The following IL1RAPL2 variants were observed in gnomAD, a reference collection of about 807,000 sequenced individuals.
IL1RAPL2 encodes the protein interleukin 1 receptor accessory protein like 2, also known as X-linked interleukin-1 receptor accessory protein-like 2.
Under a neutral mutation model 44.1 loss-of-function variants are expected in IL1RAPL2, and 3 were observed. The observed-to-expected ratio is 0.07, with a 90% confidence interval of 0.03 to 0.18. IL1RAPL2 has a LOEUF of 0.18. Among genes scored for constraint, IL1RAPL2 ranks in the 10% least tolerant of loss-of-function variants. IL1RAPL2 has a pLI of 1.00. For missense variants in IL1RAPL2, 391 were observed against 496.4 expected (o/e 0.79, Z 2.02); for synonymous variants, 181 against 178.8 (o/e 1.01, Z -0.10).
intron 2 of IL1RAPL2, among the ~76,000 whole-genome samples, chrX:104,803,420 C>G (rs1226502289): frequency 3.6e-5 from 4 of 112,156 alleles, no homozygotes; most frequent in Admixed American, 2.8e-4. Flanking sequence ...CTGCCAGGCT[C>G]TATTGGAATA....
At chrX:105,404,000 G>A (rs1427595645) in intron 5 of IL1RAPL2, among the ~76,000 whole-genome samples, 1 of 111,911 alleles carries the variant, frequency 8.9e-6, no homozygotes, top group Non-Finnish European at 1.9e-5. Flanking sequence ...TCTTATAGAT[G>A]GTATACAGCC....
intron 2 of IL1RAPL2, among the ~76,000 whole-genome samples, chrX:105,143,422 G>A (rs761046225): frequency 2.7e-4 from 30 of 111,843 alleles, no homozygotes; most frequent in African/African-American, 5.5e-4. Flanking sequence ...TTAGAATGGC[G>A]ATCATTAAAA....
At position 105,048,436 on chromosome X, in the gene IL1RAPL2, A is replaced by AC. The variant is rs779929054; in HGVS notation, c.83-147039_83-147038insC. Among the ~76,000 whole-genome samples, 44 of 112,470 alleles carry AC rather than the reference A, an allele frequency of 3.9e-4. 1 individual carries two copies. In the South Asian group the frequency reaches 0.014, roughly 37 times the overall value. On this transcript the variant is annotated intron_variant, in intron 2 of 10. Coordinates refer to ENST00000372582, the MANE Select transcript of IL1RAPL2 (RefSeq NM_017416.2). Reference sequence around the variant, plus strand: ...ATTTCTGGTAACCAAACTAAAAAATATAAAATAAAACAAGTAAAATGAAAT... The same window carrying AC: ...ATTTCTGGTAACCAAACTAAAAAATACTAAAATAAAACAAGTAAAATGAAAT...
intron 2 of IL1RAPL2, among the ~76,000 whole-genome samples, chrX:104,707,199 C>T (rs892086226): frequency 2.7e-5 from 3 of 110,913 alleles, no homozygotes; most frequent in African/African-American, 3.3e-5. Flanking sequence ...TTCAATTAGT[C>T]GGGGGAAAAA....
chrX:104,632,887 A>T (rs1757119355), intron 1 of IL1RAPL2, among the ~76,000 whole-genome samples: 1 of 110,627 alleles, frequency 9.0e-6, no homozygotes, highest in Admixed American at 9.7e-5. Context: ...GTTGAATAGG[A>T]GTGTTGAGAG....
chrX:105,179,633 T>G (rs1278088536), intron 2 of IL1RAPL2, among the ~76,000 whole-genome samples: 1 of 111,923 alleles, frequency 8.9e-6, no homozygotes, highest in East Asian at 2.8e-4. Flanking sequence ...CATAGGATGT[T>G]TATCTATTTG....
chrX:105,521,031 T>G (rs1228401755), intron 6 of IL1RAPL2, among the ~76,000 whole-genome samples: 2 of 100,676 alleles, frequency 2.0e-5, no homozygotes, highest in Non-Finnish European at 4.0e-5. Flanking sequence ...ACCTCCTTGG[T>G]TCACGCCATT....
intron 2 of IL1RAPL2, among the ~76,000 whole-genome samples, chrX:104,972,841 C>T (rs1445586590): frequency 1.8e-5 from 2 of 111,966 alleles, no homozygotes. Context: ...CCACCCATGG[C>T]ATCATGTTAC....
At chrX:104,711,015 G>A (rs763805374) in intron 2 of IL1RAPL2, among the ~76,000 whole-genome samples, 18 of 111,479 alleles carry the variant, frequency 1.6e-4, no homozygotes, top group Admixed American at 5.7e-4. Context: ...GGTCCTTCAG[G>A]AGATATGCCA....
Position 105,520,923 on chromosome X carries a change from C to CTTTTTTTTTTT in IL1RAPL2, c.772+36555_772+36565dup, listed in dbSNP as rs1172515228. ...CAATATTATAGCTATTTCTTTCTTT[C>CTTTTTTTTTTT]TTTTTTTTTTTTTTTTTTTTTTTTT... On this transcript the variant is annotated intron_variant, in intron 6 of 10. Coordinates refer to ENST00000372582, the MANE Select transcript of IL1RAPL2 (RefSeq NM_017416.2). Among the ~76,000 whole-genome samples the CTTTTTTTTTTT allele has an allele frequency of 6.1e-4, 32 of 52,371 alleles. 5 individuals carry two copies. Among genetic ancestry groups the CTTTTTTTTTTT allele is most frequent in the East Asian group, 1.3e-3 (2 of 1,526 alleles). 45.5% of individuals were successfully genotyped at this position (52,371 alleles called of 115,157 possible).
chrX:105,713,336 A>G (rs1262450413), intron 6 of IL1RAPL2, among the ~76,000 whole-genome samples: 1 of 111,483 alleles, frequency 9.0e-6, no homozygotes, highest in Non-Finnish European at 1.9e-5. Context: ...ACATCCAGGC[A>G]TTTCCATACA....
intron 1 of IL1RAPL2, among the ~76,000 whole-genome samples, chrX:104,576,051 T>C (rs1284646514): frequency 8.9e-6 from 1 of 112,187 alleles, no homozygotes; most frequent in Non-Finnish European, 1.9e-5. Context: ...ATAGCTAACA[T>C]TCAGTGGAGA....
At chrX:105,139,861 C>T (rs760600532) in intron 2 of IL1RAPL2, among the ~76,000 whole-genome samples, 4 of 112,044 alleles carry the variant, frequency 3.6e-5, no homozygotes, top group African/African-American at 1.3e-4. Context: ...TCATTGAATG[C>T]GACTCCAGCT....
chrX:105,681,786 A>T (rs897577395), intron 6 of IL1RAPL2, among the ~76,000 whole-genome samples: 1 of 111,832 alleles, frequency 8.9e-6, no homozygotes, highest in Non-Finnish European at 1.9e-5. Flanking sequence ...CATATCATTC[A>T]GTCTTATATA....
intron 5 of IL1RAPL2, among the ~76,000 whole-genome samples, chrX:105,398,943 A>G (rs2035585416): frequency 9.0e-6 from 1 of 111,730 alleles, no homozygotes; most frequent in Non-Finnish European, 1.9e-5. Context: ...CAGTTTACAG[A>G]AACATTTTGT....
chrX:105,016,038 A>C (rs921607915), intron 2 of IL1RAPL2, among the ~76,000 whole-genome samples: 2 of 111,228 alleles, frequency 1.8e-5, no homozygotes, highest in East Asian at 5.7e-4. Flanking sequence ...CATCCCTTGT[A>C]AGTTGGATTC....
intron 5 of IL1RAPL2, among the ~76,000 whole-genome samples, chrX:105,307,790 G>A (rs1300672649): frequency 5.0e-5 from 5 of 99,344 alleles, no homozygotes; most frequent in Admixed American, 2.5e-4. Flanking sequence ...TGCTTTTCTT[G>A]ATGTGCAAAT....
Position 105,160,212 on chromosome X carries a change from A to C in IL1RAPL2, c.83-35263A>C, listed in dbSNP as rs1238611918. On this transcript the variant is annotated intron_variant, in intron 2 of 10. Coordinates refer to ENST00000372582, the MANE Select transcript of IL1RAPL2 (RefSeq NM_017416.2). The stretch of plus-strand genomic sequence containing the variant: ...CCATATAACTGATGAATTTCTTTGC[A>C]GTCCGTTTACGGGTGTGTGATTAAA... Among the ~76,000 whole-genome samples the C allele has an allele frequency of 1.8e-5, 2 of 110,394 alleles. 1 individual carries two copies. The highest frequency in any genetic ancestry group is 3.8e-5 in the Non-Finnish European group (2 of 52,921).
intron 5 of IL1RAPL2, among the ~76,000 whole-genome samples, chrX:105,318,409 A>G (rs1488592901): frequency 8.9e-6 from 1 of 112,343 alleles, no homozygotes; most frequent in East Asian, 2.8e-4. Context: ...TGCTATAGAA[A>G]TAAATAAAAG....
Sources: allele counts gnomAD v4.1 joint callset (sites outside exome capture counted in the v4.1 genomes callset), GRCh38; gene constraint gnomAD v4.1.1; transcripts MANE v1.5; gene names NCBI Gene and HGNC (gene_info 2026-07-23, HGNC 2026-07-21).